The following AKAP19 variants were observed in gnomAD, a reference collection of about 807,000 sequenced individuals.
AKAP19 encodes the protein A-kinase anchoring protein 19.
At chr2:189,882,793 G>A in the AKAP19 span, among the ~76,000 whole-genome samples, 5 of 152,048 alleles carry the variant, frequency 3.3e-5, no homozygotes, top group African/African-American at 7.2e-5. Flanking sequence ...GGCAAAATAT[G>A]AGGGAGGTAC....
the AKAP19 span, among the ~76,000 whole-genome samples, chr2:190,122,738 A>C: frequency 4.6e-5 from 7 of 152,066 alleles, no homozygotes; most frequent in Non-Finnish European, 1.0e-4. Flanking sequence ...GCATTGTATT[A>C]ATATGGAAAA....
the AKAP19 span, among the ~76,000 whole-genome samples, chr2:190,140,926 C>G: frequency 6.6e-6 from 1 of 152,204 alleles, no homozygotes; most frequent in African/African-American, 2.4e-5. Flanking sequence ...CACTTTACCA[C>G]TTAGAAATTT....
chr2:190,199,681 T>G, the AKAP19 span: 1 of 1,409,806 alleles, frequency 7.1e-7, no homozygotes, highest in South Asian at 1.6e-5. Context: ...AAATGAAACC[T>G]ACCTTCTCTT....
the AKAP19 span, among the ~76,000 whole-genome samples, chr2:190,108,722 A>G: frequency 4.0e-5 from 6 of 151,880 alleles, no homozygotes; most frequent in African/African-American, 4.8e-5. Flanking sequence ...TGGGAGATTA[A>G]GAAGTTAGAA....
At chr2:190,155,183 GA>G in the AKAP19 span, among the ~76,000 whole-genome samples, 2 of 152,184 alleles carry the variant, frequency 1.3e-5, no homozygotes, top group African/African-American at 2.4e-5. Flanking sequence ...ACAACAGAGA[GA>G]GTAAGGAGGT....
At chr2:190,060,403 T>G in the AKAP19 span, 3 of 1,610,798 alleles carry the variant, frequency 1.9e-6, no homozygotes, top group East Asian at 6.7e-5. Flanking sequence ...AAGCAACATT[T>G]GGGTTTTCCA....
At chr2:190,188,542 G>A in the AKAP19 span, among the ~76,000 whole-genome samples, 2 of 152,216 alleles carry the variant, frequency 1.3e-5, no homozygotes, top group Middle Eastern at 3.2e-3. Flanking sequence ...GCTAATCATA[G>A]CTGCCTAACC....
chr2:189,904,954 T>G, the AKAP19 span, among the ~76,000 whole-genome samples: 1 of 151,986 alleles, frequency 6.6e-6, no homozygotes, highest in Non-Finnish European at 1.5e-5. Flanking sequence ...TTATTTTCAT[T>G]TATTACCACT....
the AKAP19 span, among the ~76,000 whole-genome samples, chr2:190,142,714 G>A: frequency 6.6e-6 from 1 of 152,222 alleles, no homozygotes; most frequent in Non-Finnish European, 1.5e-5. Flanking sequence ...GCGGGCTGGG[G>A]GAGGTCCCCA....
At chr2:190,078,517 A>G in the AKAP19 span, among the ~76,000 whole-genome samples, 1 of 152,098 alleles carries the variant, frequency 6.6e-6, no homozygotes, top group Non-Finnish European at 1.5e-5. Flanking sequence ...AAGGTTAAAA[A>G]CCCAATGGAA....
At chr2:190,186,387 T>G in the AKAP19 span, among the ~76,000 whole-genome samples, 28 of 152,186 alleles carry the variant, frequency 1.8e-4, no homozygotes, top group Non-Finnish European at 3.2e-4. The surrounding 1 kb of genome is among the most constrained non-coding windows in gnomAD (Gnocchi z 5.5). Context: ...GCCTCTCTAT[T>G]GAGAAATTTT....
At chr2:190,068,284 C>G in the AKAP19 span, among the ~76,000 whole-genome samples, 1 of 152,122 alleles carries the variant, frequency 6.6e-6, no homozygotes, top group Non-Finnish European at 1.5e-5. Context: ...TTTGTCTTTT[C>G]AGCTCTTGGT....
At chr2:189,985,761 T>C in the AKAP19 span, among the ~76,000 whole-genome samples, 1 of 152,246 alleles carries the variant, frequency 6.6e-6, no homozygotes, top group East Asian at 1.9e-4. Context: ...ACCAAATTTC[T>C]GATCTACCGA....
chr2:190,006,511 G>T, the AKAP19 span, among the ~76,000 whole-genome samples: 1 of 151,904 alleles, frequency 6.6e-6, no homozygotes, highest in South Asian at 2.1e-4. Flanking sequence ...TTAGCTGGGC[G>T]TGATGGCGGG....
the AKAP19 span, among the ~76,000 whole-genome samples, chr2:190,146,929 A>G: frequency 3.3e-5 from 5 of 151,928 alleles, no homozygotes; most frequent in African/African-American, 1.2e-4. Flanking sequence ...GATTGTGAAG[A>G]TTTTCTCCCA....
At chr2:189,917,251 A>G in the AKAP19 span, 1 of 1,249,058 alleles carries the variant, frequency 8.0e-7, no homozygotes, top group East Asian at 2.5e-5. Context: ...TTTTACAAAC[A>G]CTGTCTTCGC....
the AKAP19 span, among the ~76,000 whole-genome samples, chr2:190,183,827 C>T: frequency 6.6e-6 from 1 of 151,602 alleles, no homozygotes; most frequent in South Asian, 2.1e-4. Context: ...TCTGCTTGCA[C>T]CTTAGTTCTC....
the AKAP19 span, among the ~76,000 whole-genome samples, chr2:190,054,483 G>C: frequency 6.6e-6 from 1 of 152,106 alleles, no homozygotes; most frequent in African/African-American, 2.4e-5. Context: ...AGCCAAAATT[G>C]ACAAATGGAA....
chr2:190,158,149 C>T, the AKAP19 span, among the ~76,000 whole-genome samples: 14 of 152,194 alleles, frequency 9.2e-5, no homozygotes, highest in Middle Eastern at 3.2e-3. Context: ...AAATCAATCA[C>T]GACCCTTTCA....
Sources: gnomAD v4.1 joint callset for allele counts (sites outside exome capture counted in the v4.1 genomes callset) on GRCh38, gnomAD v4.1.1 for gene constraint, Gnocchi (gnomAD v3.1) non-coding constraint, MANE v1.5 for transcripts, NCBI Gene and HGNC (gene_info 2026-07-23, HGNC 2026-07-21) for gene names.